The following ROBO2 variants were observed in gnomAD, a reference collection of about 807,000 sequenced individuals.
The protein encoded by ROBO2 is roundabout guidance receptor 2, also known as roundabout homolog 2.
ROBO2 carries 53 observed loss-of-function variants against 160.8 expected under a neutral mutation model. That is an observed-to-expected ratio of 0.33 (90% CI 0.26 to 0.41). The LOEUF (loss-of-function observed/expected upper bound fraction) is 0.41. Ranked by LOEUF, ROBO2 falls within the 10% of genes least tolerant of loss-of-function variation. The pLI is 1.00. For missense variants in ROBO2, 1,577 were observed against 1,722.4 expected, an observed-to-expected ratio of 0.92 and a Z score of 1.49; for synonymous variants, 664 against 611.7, an observed-to-expected ratio of 1.09 and a Z score of -1.26.
chr3:77,198,920 A>G (rs947495993), intron 2 of ROBO2, among the ~76,000 whole-genome samples: 3 of 152,126 alleles, frequency 2.0e-5, no homozygotes, highest in Non-Finnish European at 4.4e-5. Context: ...AAGAAAAAAG[A>G]AAAAAGAAAG....
intron 2 of ROBO2, among the ~76,000 whole-genome samples, chr3:76,777,592 G>T (rs2062356859): frequency 6.7e-6 from 1 of 148,998 alleles, no homozygotes; most frequent in African/African-American, 2.5e-5. Context: ...CTATACCTTT[G>T]CCTTTCAGTA....
intron 22 of ROBO2, chr3:77,618,118 A>G (rs990235682): frequency 6.2e-6 from 2 of 324,806 alleles, no homozygotes; most frequent in Non-Finnish European, 1.2e-5. Context: ...TTTATCTTCA[A>G]TTAGCTTATC....
chr3:76,379,515 C>G (rs1387156619), intron 2 of ROBO2, among the ~76,000 whole-genome samples: 1 of 152,078 alleles, frequency 6.6e-6, no homozygotes, highest in African/African-American at 2.4e-5. Flanking sequence ...TGTAGTGTCT[C>G]TGACACATTC....
chr3:77,331,999 C>G (rs1239579885), intron 2 of ROBO2, among the ~76,000 whole-genome samples: 1 of 152,188 alleles, frequency 6.6e-6, no homozygotes, highest in Non-Finnish European at 1.5e-5. Context: ...AGCCAACGCC[C>G]CCGGCCTGAA....
At chr3:77,556,549 TC>T (rs1559605653) in intron 8 of ROBO2, among the ~76,000 whole-genome samples, 1 of 151,886 alleles carries the variant, frequency 6.6e-6, no homozygotes, top group African/African-American at 2.4e-5. Flanking sequence ...TTAACTTTAA[TC>T]TTTTGTTCCC....
chr3:77,276,148 C>T (rs1249594989), intron 2 of ROBO2, among the ~76,000 whole-genome samples: 1 of 151,590 alleles, frequency 6.6e-6, no homozygotes, highest in Non-Finnish European at 1.5e-5. Context: ...TTCACATTTT[C>T]ATTGTATCCA....
chr3:77,102,778 A>AG lies in ROBO2; in HGVS notation c.388+4441dup, dbSNP rs550135300. Among the ~76,000 whole-genome samples the AG allele has an allele frequency of 4.4e-3, 662 of 151,258 alleles. 2 individuals are homozygous for AG. The highest frequency in any genetic ancestry group is 0.016 in the African/African-American group (641 of 41,096). On this transcript the variant is annotated intron_variant, in intron 2 of 25. Transcript: ENST00000461745. ...TTTATGTTCTGGAACAATACAGCAG[A>AG]GGGAAAAAAATTCAGGACCAATCAT...
At chr3:75,945,915 A>T (rs1948272658) in intron 2 of ROBO2, among the ~76,000 whole-genome samples, 1 of 152,106 alleles carries the variant, frequency 6.6e-6, no homozygotes, top group African/African-American at 2.4e-5. Flanking sequence ...GGCAGTGGTA[A>T]TGAGTTAATA....
chr3:76,356,336 A>G lies in ROBO2; in HGVS notation c.109+418734A>G, dbSNP rs2075162388. 2.0e-5 allele frequency among the ~76,000 whole-genome samples: 3 copies of G among 151,642 alleles called. No homozygotes were observed. The South Asian group carries it at 6.2e-4, about 31-fold the overall frequency. The stretch of plus-strand genomic sequence containing the variant: ...AAGTAATACAGCTAAATACAATTAT[A>G]TCAATAATTATGCTAAACAGGGATA... On this transcript the variant is annotated intron_variant, in intron 2 of 26. Coordinates refer to the ROBO2 transcript ENST00000487694.
intron 7 of ROBO2, among the ~76,000 whole-genome samples, chr3:77,548,134 T>TACACATACAC (rs1270830357): frequency 1.3e-5 from 2 of 150,066 alleles, no homozygotes; most frequent in Non-Finnish European, 3.0e-5. Context: ...ACCACTCACA[T>TACACATACAC]ACACATACAC....
intron 2 of ROBO2, among the ~76,000 whole-genome samples, chr3:76,380,438 C>T (rs1008953849): frequency 6.6e-6 from 1 of 152,182 alleles, no homozygotes; most frequent in African/African-American, 2.4e-5. Context: ...TCAAACAACC[C>T]GAGTTTGAAC....
chr3:77,339,698 A>T (rs902632477), intron 2 of ROBO2, among the ~76,000 whole-genome samples: 3 of 152,068 alleles, frequency 2.0e-5, no homozygotes, highest in South Asian at 4.1e-4. Context: ...GAACTAAAAC[A>T]TACATCTACA....
At chr3:76,287,382 A>G (rs1708557535) in intron 2 of ROBO2, among the ~76,000 whole-genome samples, 1 of 149,248 alleles carries the variant, frequency 6.7e-6, no homozygotes, top group Non-Finnish European at 1.5e-5. Context: ...TGCAACCTCC[A>G]TCTCCTGGGT....
chr3:77,312,747 A>G (rs2063656514), intron 2 of ROBO2, among the ~76,000 whole-genome samples: 1 of 152,216 alleles, frequency 6.6e-6, no homozygotes, highest in South Asian at 2.1e-4. Context: ...ACTATTGGTG[A>G]GTGAAAATGT....
intron 18 of ROBO2, 99 bp downstream of exon 19, chr3:77,595,283 A>C (rs974103119): frequency 1.1e-6 from 1 of 933,066 alleles, no homozygotes; most frequent in Non-Finnish European, 1.7e-6. Flanking sequence ...GATCACTTAA[A>C]AGTCTGAGAA....
intron 2 of ROBO2, among the ~76,000 whole-genome samples, chr3:77,214,598 A>G (rs992490510): frequency 6.6e-6 from 1 of 152,106 alleles, no homozygotes; most frequent in Admixed American, 6.5e-5. Flanking sequence ...TAGTATTGTT[A>G]TGTGTGAATT....
intron 2 of ROBO2, among the ~76,000 whole-genome samples, chr3:76,612,420 T>A (rs997653087): frequency 1.3e-5 from 2 of 152,142 alleles, no homozygotes; most frequent in Non-Finnish European, 2.9e-5. Context: ...ATTATTGGCT[T>A]TACAACATTC....
chr3:76,871,322 A>G (rs2072033905), intron 2 of ROBO2, among the ~76,000 whole-genome samples: 1 of 152,052 alleles, frequency 6.6e-6, no homozygotes, highest in African/African-American at 2.4e-5. Context: ...TGGGAGGCCG[A>G]GGCAGGCGGA....
At chr3:77,330,014 T>C (rs1170115066) in intron 2 of ROBO2, among the ~76,000 whole-genome samples, 1 of 152,162 alleles carries the variant, frequency 6.6e-6, no homozygotes, top group Non-Finnish European at 1.5e-5. Context: ...CAAACTAAGT[T>C]AGTAATATTT....
Sources: allele counts gnomAD v4.1 joint callset (sites outside exome capture counted in the v4.1 genomes callset), GRCh38; gene constraint gnomAD v4.1.1; transcripts MANE v1.5; gene names NCBI Gene and HGNC (gene_info 2026-07-23, HGNC 2026-07-21).